PGAP1: variants seen among roughly 807,000 people sequenced by gnomAD.
PGAP1 encodes the protein post-GPI attachment to proteins inositol deacylase 1.
A neutral mutation model predicts 127.0 loss-of-function variants in PGAP1; 76 were observed. The ratio of observed to expected loss-of-function variants is 0.60; its 90% confidence interval spans 0.50 to 0.72. The LOEUF (loss-of-function observed/expected upper bound fraction) is 0.72, where lower values mean the gene tolerates loss of function less well. Ranked by LOEUF, PGAP1 falls within the 30% of genes least tolerant of loss-of-function variation. The pLI, the probability that PGAP1 is intolerant of heterozygous loss-of-function variation, is 0.00. For synonymous variants in PGAP1, 362 were observed against 366.5 expected, an observed-to-expected ratio of 0.99 and a Z score of 0.14; for missense variants, 982 against 1,071.3, an observed-to-expected ratio of 0.92 and a Z score of 1.16.
rs999769635 is a variant in PGAP1 at position 196,898,302 on chromosome 2, C to T, written c.860+15G>A. On this transcript the variant is annotated intron_variant, in intron 6 of 26. Coordinates refer to ENST00000354764, the MANE Select transcript of PGAP1 (RefSeq NM_024989.4). ...TGACAACTCATCAAAACAAGTTATA[C>T]AAGTATTAACTTACCACACAATGGA... The T allele has an allele frequency of 4.5e-6, 7 of 1,563,586 alleles. No homozygotes were observed. The highest frequency in any genetic ancestry group is 2.3e-5 in the East Asian group (1 of 44,186).
At position 196,833,895 on chromosome 2, in the gene PGAP1, G is replaced by T. The variant is rs1187515150; in HGVS notation, c.*7339C>A. On this transcript the variant is annotated 3_prime_UTR_variant, in exon 27 of 27. Transcript: ENST00000354764. ...AGTCTACATTTTTTTAAAAACTGAA[G>T]CCCGTTTTCTCTTGAAGCCTTAAAA... is the stretch of plus-strand genomic sequence containing the variant. 7 of 151,664 alleles carry T rather than the reference G, an allele frequency of 4.6e-5. No homozygotes were observed. Among genetic ancestry groups the T allele is most frequent in the Admixed American group, 2.0e-4 (3 of 15,232 alleles). The allele number at this position is 151,664 out of a possible 1,614,324, so 9.4% of individuals were successfully genotyped here.
At chr2:196,873,401 TA>T in intron 16 of PGAP1, 126 bp downstream of exon 16, 1 of 693,420 alleles carries the variant, frequency 1.4e-6, no homozygotes, top group South Asian at 2.1e-5. Context: ...CAACCTGTTA[TA>T]AATTTAATTT....
At chr2:196,876,164 C>G (rs544018323) in intron 13 of PGAP1, among the ~76,000 whole-genome samples, 21 of 152,036 alleles carry the variant, frequency 1.4e-4, no homozygotes, top group Non-Finnish European at 2.9e-4. Flanking sequence ...TAGGCTAATT[C>G]AAGATTAGTT....
intron 4 of PGAP1, among the ~76,000 whole-genome samples, chr2:196,903,156 A>G (rs1702554293): frequency 6.6e-6 from 1 of 152,114 alleles, no homozygotes; most frequent in Non-Finnish European, 1.5e-5. Context: ...TTCATGGTAT[A>G]TGCACATGTT....
At chr2:196,904,367 C>T (rs1480126561) in intron 4 of PGAP1, among the ~76,000 whole-genome samples, 2 of 152,172 alleles carry the variant, frequency 1.3e-5, no homozygotes, top group African/African-American at 4.8e-5. Context: ...ATTCTACATA[C>T]CTGCCCTCAG....
intron 9 of PGAP1, among the ~76,000 whole-genome samples, chr2:196,891,316 G>A (rs1702093518): frequency 6.6e-6 from 1 of 152,090 alleles, no homozygotes; most frequent in South Asian, 2.1e-4. Context: ...GTTCCTTAAA[G>A]AAATAGCTGA....
At chr2:196,857,966 A>G (rs895974496) in intron 20 of PGAP1, among the ~76,000 whole-genome samples, 1 of 152,198 alleles carries the variant, frequency 6.6e-6, no homozygotes, top group East Asian at 1.9e-4. Flanking sequence ...TTCCCACTGC[A>G]GTGCCCTATT....
At chr2:196,900,914 G>A (rs371585977) in intron 5 of PGAP1, among the ~76,000 whole-genome samples, 2 of 151,730 alleles carry the variant, frequency 1.3e-5, no homozygotes, top group African/African-American at 4.8e-5. Context: ...GCTACAGAGC[G>A]AGACTCCGTC....
Position 196,886,472 on chromosome 2 carries a change from G to A in PGAP1, c.1174-592C>T, listed in dbSNP as rs148386406. 1.1e-3 allele frequency among the ~76,000 whole-genome samples: 164 copies of A among 151,990 alleles called. No individual in the cohort carries two copies. In the East Asian group the frequency reaches 0.019, roughly 18 times the overall value. On this transcript the variant is annotated intron_variant, in intron 10 of 26. Transcript: ENST00000354764. ...CACCACGCCTCGCCATCTTTCTACA[G>A]CATATCACCTAAGTATTCCTAATTA... is the stretch of plus-strand genomic sequence containing the variant.
chr2:196,841,121 A>T lies in PGAP1; in HGVS notation c.*113T>A. The T allele has an allele frequency of 8.9e-7, 1 of 1,125,224 alleles. No homozygotes were observed. The highest frequency in any genetic ancestry group is 1.9e-5 in the South Asian group (1 of 51,562). The allele number at this position is 1,125,224 out of a possible 1,614,324, so 69.7% of individuals were successfully genotyped here. ...ATTTCCTATTTTCAATATTGTAAAAATAGACTTGTCTTCTCCAAAGGATCT... is the reference window on the plus strand; with the variant it reads ...ATTTCCTATTTTCAATATTGTAAAATTAGACTTGTCTTCTCCAAAGGATCT... On this transcript the variant is annotated 3_prime_UTR_variant, in exon 27 of 27. Coordinates refer to ENST00000354764, the MANE Select transcript of PGAP1 (RefSeq NM_024989.4).
Position 196,857,227 on chromosome 2 carries a change from T to C in PGAP1, c.1861+7760A>G, listed in dbSNP as rs980252145. Reference sequence around the variant, plus strand: ...AGGATATAAAATCAATGTACGAAAATCACTAGCATTCCTCTATCTGTTAAC... The same window carrying C: ...AGGATATAAAATCAATGTACGAAAACCACTAGCATTCCTCTATCTGTTAAC... On this transcript the variant is annotated intron_variant, in intron 20 of 26. Transcript: ENST00000354764. Among the ~76,000 whole-genome samples, 6 of 152,166 alleles carry C rather than the reference T, an allele frequency of 3.9e-5. No homozygotes were observed. The East Asian group carries it at 1.2e-3, about 29-fold the overall frequency.
Position 196,893,192 on chromosome 2 carries a change from T to C in PGAP1, c.981A>G (p.Arg327=). 1 of 1,601,662 alleles carries C rather than the reference T, an allele frequency of 6.2e-7. No homozygotes were observed. Among genetic ancestry groups the C allele is most frequent in the Middle Eastern group, 1.7e-4 (1 of 6,028 alleles). Residue 327 remains arginine, a synonymous_variant, in exon 8 of 27, where the codon AGA becomes AGG. Coordinates refer to ENST00000354764, the MANE Select transcript of PGAP1 (RefSeq NM_024989.4). Reference sequence around the variant, plus strand: ...TTTCCTCAAAATGTTTTGATGGGTGTCTTATAAAGTGGTGATACAAAACTG... The same window carrying C: ...TTTCCTCAAAATGTTTTGATGGGTGCCTTATAAAGTGGTGATACAAAACTG... ...KLSVLYHHFI[R]HPSKHFEENP...
chr2:196,898,562 T>G (rs879478585), intron 5 of PGAP1, among the ~76,000 whole-genome samples, 193 bp from the exon 6 acceptor site: 1 of 152,176 alleles, frequency 6.6e-6, no homozygotes, highest in Non-Finnish European at 1.5e-5. Flanking sequence ...AATTTCTCTG[T>G]ATAAAACATA....
At chr2:196,864,390 CAAAA>C (rs752788293) in intron 20 of PGAP1, among the ~76,000 whole-genome samples, 2 of 32,390 alleles carry the variant, frequency 6.2e-5, no homozygotes, top group Non-Finnish European at 1.2e-4. Context: ...AACTACGTCT[CAAAA>C]AAAAAAAAAA....
intron 11 of PGAP1, 77 bp from the exon 12 acceptor site, chr2:196,885,552 A>C: frequency 9.0e-7 from 1 of 1,111,622 alleles, no homozygotes; most frequent in Non-Finnish European, 1.3e-6. Context: ...GATTCAGAGG[A>C]AAAAGAAACC....
intron 19 of PGAP1, among the ~76,000 whole-genome samples, chr2:196,868,225 T>C (rs114750114): frequency 0.01 from 1,536 of 152,350 alleles, 23 homozygotes; most frequent in African/African-American, 0.035. Context: ...GAATAGTAAC[T>C]GGTACATGGT....
In PGAP1 at chr2:196,861,592, T is replaced by C. The variant is rs1221986926; in HGVS notation, c.1861+3395A>G. On this transcript the variant is annotated intron_variant, in intron 20 of 26. Transcript: ENST00000354764. ...GGCTCACGCCTGTAATCCCAGCACTTTGGGAGGACAAGGCAGGCAGATCGC... is the reference window on the plus strand; with the variant it reads ...GGCTCACGCCTGTAATCCCAGCACTCTGGGAGGACAAGGCAGGCAGATCGC... 2.6e-5 allele frequency among the ~76,000 whole-genome samples: 4 copies of C among 152,022 alleles called. No homozygotes were observed. The East Asian group carries it at 5.8e-4, about 22-fold the overall frequency.
chr2:196,841,111 TATTGTA>T lies in PGAP1; in HGVS notation c.*117_*122del. 1 of 1,072,354 alleles carries T rather than the reference TATTGTA, an allele frequency of 9.3e-7. No individual in the cohort carries two copies. Among genetic ancestry groups the T allele is most frequent in the Non-Finnish European group, 1.3e-6 (1 of 753,018 alleles). The allele number at this position is 1,072,354 out of a possible 1,614,324, so 66.4% of individuals were successfully genotyped here. ...TACAAAACTAATTTCCTATTTTCAATATTGTAAAAATAGACTTGTCTTCTCCAAAGG... is the reference window on the plus strand; with the variant it reads ...TACAAAACTAATTTCCTATTTTCAATAAAATAGACTTGTCTTCTCCAAAGG... On this transcript the variant is annotated 3_prime_UTR_variant, in exon 27 of 27. Coordinates refer to ENST00000354764, the MANE Select transcript of PGAP1 (RefSeq NM_024989.4).
At chr2:196,920,223 T>C in intron 1 of PGAP1, 73 bp from the exon 2 acceptor site, 1 of 1,338,390 alleles carries the variant, frequency 7.5e-7, no homozygotes, top group Non-Finnish European at 1.0e-6. Context: ...TATGCAATTC[T>C]GAATTACGCA....
Sources: allele counts gnomAD v4.1 joint callset (sites outside exome capture counted in the v4.1 genomes callset), GRCh38; gene constraint gnomAD v4.1.1; transcripts MANE v1.5; gene names NCBI Gene and HGNC (gene_info 2026-07-23, HGNC 2026-07-21).